ESR2: variants seen among roughly 807,000 people sequenced by gnomAD.
ESR2 encodes the protein estrogen receptor beta.
In ESR2, 36 loss-of-function variants were observed where a neutral mutation model predicts 49.6. That is an observed-to-expected ratio of 0.73 (90% CI 0.56 to 0.96). ESR2 has a LOEUF of 0.96. Ranked by LOEUF, ESR2 falls within the 40% of genes least tolerant of loss-of-function variation. The pLI is 0.00. For missense variants in ESR2, 714 were observed against 693.0 expected, an observed-to-expected ratio of 1.03 and a Z score of -0.34; for synonymous variants, 320 against 266.1, an observed-to-expected ratio of 1.20 and a Z score of -1.97.
intron 4 of ESR2, among the ~76,000 whole-genome samples, chr14:64,265,831 G>T (rs976785041): frequency 1.3e-5 from 2 of 152,186 alleles, no homozygotes; most frequent in Non-Finnish European, 1.5e-5. Context: ...CAAAATAAAA[G>T]AAGCAGGATG....
intron 1 of ESR2, among the ~76,000 whole-genome samples, chr14:64,289,815 C>T (rs2076842654): frequency 6.6e-6 from 1 of 152,154 alleles, no homozygotes; most frequent in Non-Finnish European, 1.5e-5. Flanking sequence ...ATGCCATATT[C>T]TCAAGCTTGC....
chr14:64,331,789 C>T (rs1264883375), intron 1 of ESR2, among the ~76,000 whole-genome samples: 1 of 147,154 alleles, frequency 6.8e-6, no homozygotes, highest in African/African-American at 2.5e-5. Context: ...TGCCATTGCA[C>T]TCCAGCCCGG....
At chr14:64,246,130 G>A (rs1424721886) in intron 7 of ESR2, among the ~76,000 whole-genome samples, 3 of 152,186 alleles carry the variant, frequency 2.0e-5, no homozygotes, top group Admixed American at 6.5e-5. Context: ...ATCACTCGAA[G>A]CCAGGAGTTC....
At chr14:64,262,032 C>G (rs1269402375) in intron 4 of ESR2, among the ~76,000 whole-genome samples, 3 of 152,024 alleles carry the variant, frequency 2.0e-5, no homozygotes, top group African/African-American at 7.2e-5. Context: ...GTTTGCTAAT[C>G]TAACTAAACC....
chr14:64,319,937 C>T (rs573028294), intron 1 of ESR2, among the ~76,000 whole-genome samples: 22 of 152,208 alleles, frequency 1.4e-4, no homozygotes, highest in African/African-American at 4.6e-4. Flanking sequence ...TTGGTTTTTA[C>T]CCAGGTGAAG....
intron 1 of ESR2, among the ~76,000 whole-genome samples, chr14:64,302,324 C>G (rs2077033704): frequency 6.6e-6 from 1 of 151,564 alleles, no homozygotes; most frequent in South Asian, 2.1e-4. Flanking sequence ...ATAGCTGGGA[C>G]TACAGGCTCC....
chr14:64,227,268 C>T, downstream of ESR2: 1 of 480,422 alleles, frequency 2.1e-6, no homozygotes, highest in Non-Finnish European at 3.7e-6. Context: ...TACATTGGTG[C>T]CCCTCATGGG....
chr14:64,240,010 T>A (rs1035269272), intron 7 of ESR2, among the ~76,000 whole-genome samples: 3 of 152,248 alleles, frequency 2.0e-5, no homozygotes, highest in African/African-American at 7.2e-5. Context: ...TAGAAGTCAT[T>A]AATATACATA....
chr14:64,322,364 T>C (rs769829508), intron 1 of ESR2, among the ~76,000 whole-genome samples: 1 of 152,030 alleles, frequency 6.6e-6, no homozygotes. Flanking sequence ...TGGCCTGAAA[T>C]TATTTTTTTA....
At chr14:64,314,290 A>T (rs982559220) in intron 1 of ESR2, among the ~76,000 whole-genome samples, 4 of 152,118 alleles carry the variant, frequency 2.6e-5, no homozygotes, top group South Asian at 2.1e-4. Context: ...GGGAAATTTT[A>T]AAAATACATG....
At position 64,260,432 on chromosome 14, in the gene ESR2, T is replaced by G; in HGVS notation, c.952+17A>C. 4 of 1,523,058 alleles carry G rather than the reference T, an allele frequency of 2.6e-6. No individual in the cohort carries two copies. Among genetic ancestry groups the G allele is most frequent in the Non-Finnish European group, 3.5e-6 (4 of 1,136,660 alleles). The allele number at this position is 1,523,058 out of a possible 1,614,324, so 94.3% of individuals were successfully genotyped here. A position where few individuals can be genotyped will look rare whatever the true frequency, so the allele number is the denominator to read the frequency against. On this transcript the variant is annotated intron_variant, in intron 5 of 8. Transcript: ENST00000341099. ...TTTCTACAAGTACATGGAAAACTGA[T>G]AGCCAGAAAGCCCTACCGGGAATCT...
chr14:64,291,674 C>T (rs1373419591), intron 1 of ESR2, among the ~76,000 whole-genome samples: 3 of 152,162 alleles, frequency 2.0e-5, no homozygotes, highest in African/African-American at 7.2e-5. Flanking sequence ...AAAATCTAGA[C>T]TTCAAGACAT....
upstream of ESR2, among the ~76,000 whole-genome samples, chr14:64,296,956 G>A (rs1187642639): frequency 6.6e-6 from 1 of 152,102 alleles, no homozygotes; most frequent in East Asian, 1.9e-4. Flanking sequence ...AATTCTACCT[G>A]AATTGTGACC....
intron 1 of ESR2, among the ~76,000 whole-genome samples, chr14:64,331,113 A>T (rs1049453770): frequency 1.3e-5 from 2 of 152,212 alleles, no homozygotes; most frequent in Non-Finnish European, 2.9e-5. Flanking sequence ...TAAAAAACAA[A>T]ACTATATGCT....
chr14:64,264,067 G>A (rs1244357971), intron 4 of ESR2, among the ~76,000 whole-genome samples: 1 of 151,834 alleles, frequency 6.6e-6, no homozygotes, highest in Non-Finnish European at 1.5e-5. Context: ...AGAAAGACAT[G>A]TTGTAAGTAA....
At position 64,249,721 on chromosome 14, in the gene ESR2, G is replaced by A. The variant is rs1273861945; in HGVS notation, c.1092-42C>T. The A allele has an allele frequency of 5.8e-6, 9 of 1,562,968 alleles. No homozygotes were observed. In the Admixed American group the frequency reaches 6.0e-5, roughly 10 times the overall value. On this transcript the variant is annotated intron_variant, in intron 6 of 8. Coordinates refer to ENST00000341099, the MANE Select transcript of ESR2 (RefSeq NM_001437.3). ...GGAAATTTAAGGAACATAGCTTCAG[G>A]AAACCATCAAAAAAACAATAAGGAA...
downstream of ESR2, chr14:64,227,495 C>G (rs752340205): frequency 2.5e-6 from 4 of 1,606,056 alleles, no homozygotes; most frequent in Non-Finnish European, 3.4e-6. Context: ...AAAATGTTAC[C>G]CAAGATTTTT....
Position 64,279,968 on chromosome 14 carries a change from A to G in ESR2, c.535+13T>C, listed in dbSNP as rs1241862313. ...GTAGGAAACTAAAGAAGCAGTTAAC[A>G]ATTCTCTTGTACCTTGAATGCTTCT... On this transcript the variant is annotated intron_variant, in intron 3 of 8. Coordinates refer to ENST00000341099, the MANE Select transcript of ESR2 (RefSeq NM_001437.3). The G allele has an allele frequency of 1.9e-6, 3 of 1,602,476 alleles. No individual in the cohort carries two copies. In the South Asian group the frequency reaches 3.3e-5, roughly 18 times the overall value.
intron 1 of ESR2, among the ~76,000 whole-genome samples, chr14:64,316,798 G>A (rs2077261469): frequency 6.6e-6 from 1 of 151,988 alleles, no homozygotes; most frequent in African/African-American, 2.4e-5. Flanking sequence ...AATGGACTAA[G>A]ACTCCATCTC....
Sources: gnomAD v4.1 joint callset for allele counts (sites outside exome capture counted in the v4.1 genomes callset) on GRCh38, gnomAD v4.1.1 for gene constraint, MANE v1.5 for transcripts, NCBI Gene and HGNC (gene_info 2026-07-23, HGNC 2026-07-21) for gene names.